The following PTPRM variants were observed in gnomAD, a reference collection of about 807,000 sequenced individuals.
PTPRM encodes the protein protein tyrosine phosphatase receptor type M.
In PTPRM, 47 loss-of-function variants were observed where a neutral mutation model predicts 186.7. The ratio of observed to expected loss-of-function variants is 0.25; its 90% CI spans 0.20 to 0.32. The LOEUF (loss-of-function observed/expected upper bound fraction) is 0.32, where lower values mean the gene tolerates loss of function less well. PTPRM is among the 10% of genes least tolerant of loss of function. The pLI is 1.00. For synonymous variants in PTPRM, 668 were observed against 674.9 expected (o/e 0.99, Z 0.16); for missense variants, 1,494 against 1,865.0 (o/e 0.80, Z 3.66).
intron 14 of PTPRM, among the ~76,000 whole-genome samples, chr18:8,157,756 C>T (rs1051812017): frequency 6.6e-6 from 1 of 152,196 alleles, no homozygotes; most frequent in Non-Finnish European, 1.5e-5. Flanking sequence ...GCTTGGGGAA[C>T]GTCCTCTAAA....
chr18:7,585,882 C>T (rs2036966274), intron 1 of PTPRM, among the ~76,000 whole-genome samples: 1 of 152,138 alleles, frequency 6.6e-6, no homozygotes. Flanking sequence ...TGGGTGGTGC[C>T]TTATCTACTT....
At chr18:8,048,911 C>T (rs1278886439) in intron 7 of PTPRM, among the ~76,000 whole-genome samples, 2 of 152,172 alleles carry the variant, frequency 1.3e-5, no homozygotes, top group Non-Finnish European at 2.9e-5. Context: ...TTTGGGTTCT[C>T]TTTTGCCCTG....
chr18:7,745,893 C>T lies in PTPRM; in HGVS notation c.74-28256C>T, dbSNP rs148123241. Among the ~76,000 whole-genome samples the T allele has an allele frequency of 4.7e-3, 716 of 151,868 alleles. 5 individuals carry two copies. Among genetic ancestry groups the T allele is most frequent in the African/African-American group, 0.016 (675 of 41,404 alleles). On this transcript the variant is annotated intron_variant, in intron 1 of 32. Transcript: ENST00000580170. ...GCTAAAATTTTAAAATGATTTAAAC[C>T]GAGGATTAGGCACATATGAAAAGTA... is the stretch of plus-strand genomic sequence containing the variant.
Position 7,696,717 on chromosome 18 carries a change from G to A in PTPRM, c.74-77432G>A, listed in dbSNP as rs549753119. Among the ~76,000 whole-genome samples, 6 of 152,274 alleles carry A rather than the reference G, an allele frequency of 3.9e-5. No individual in the cohort carries two copies. In the East Asian group the frequency reaches 1.2e-3, roughly 29 times the overall value. On this transcript the variant is annotated intron_variant, in intron 1 of 32. Transcript: ENST00000580170. ...ACACTGAACCACTCATGTCTTCCAC[G>A]GTGTCCCGTCTGTTCTTGCATGTTC... is the stretch of plus-strand genomic sequence containing the variant.
Position 8,152,899 on chromosome 18 carries a change from G to T in PTPRM, c.2300+9120G>T, listed in dbSNP as rs547300247. Among the ~76,000 whole-genome samples, 561 of 151,792 alleles carry T rather than the reference G, an allele frequency of 3.7e-3. 4 individuals carry two copies. Among genetic ancestry groups the T allele is most frequent in the African/African-American group, 0.013 (519 of 41,424 alleles). The stretch of plus-strand genomic sequence containing the variant: ...AGCCCAGCTAATTTTTGTATTTTTA[G>T]TAGAGACAGGGTTTCACCATGTTAG... On this transcript the variant is annotated intron_variant, in intron 14 of 32. Transcript: ENST00000580170.
chr18:7,834,022 G>A (rs1161239133), intron 2 of PTPRM, among the ~76,000 whole-genome samples: 3 of 152,080 alleles, frequency 2.0e-5, no homozygotes, highest in Non-Finnish European at 4.4e-5. Flanking sequence ...GAAAGAGGGA[G>A]TTCTTGTCAT....
intron 1 of PTPRM, among the ~76,000 whole-genome samples, chr18:7,591,516 C>G (rs1031407646): frequency 6.6e-6 from 1 of 152,180 alleles, no homozygotes; most frequent in Non-Finnish European, 1.5e-5. Context: ...TTCTAAAGCA[C>G]ATACAACAGC....
At chr18:7,770,212 T>C (rs771065254) in intron 1 of PTPRM, among the ~76,000 whole-genome samples, 1 of 152,174 alleles carries the variant, frequency 6.6e-6, no homozygotes, top group African/African-American at 2.4e-5. Flanking sequence ...TGCGTCCTTT[T>C]ACTGTGTTTC....
At chr18:8,212,432 T>TCC (rs11395297) in intron 14 of PTPRM, among the ~76,000 whole-genome samples, 1 of 151,998 alleles carries the variant, frequency 6.6e-6, no homozygotes, top group Non-Finnish European at 1.5e-5. Flanking sequence ...CCTTTGTCAC[T>TCC]CCCAGTGTGT....
chr18:7,793,250 C>T (rs998526166), intron 2 of PTPRM, among the ~76,000 whole-genome samples: 10 of 152,204 alleles, frequency 6.6e-5, no homozygotes, highest in African/African-American at 2.4e-4. Flanking sequence ...TTCACCTCCT[C>T]ACTACGTGAC....
At chr18:8,322,495 A>C (rs2095351878) in intron 22 of PTPRM, among the ~76,000 whole-genome samples, 2 of 152,212 alleles carry the variant, frequency 1.3e-5, no homozygotes, top group Non-Finnish European at 2.9e-5. Flanking sequence ...CTGACCAGAC[A>C]TTAGTGCAAC....
chr18:8,152,006 A>G (rs538496617), intron 14 of PTPRM, among the ~76,000 whole-genome samples: 13 of 152,182 alleles, frequency 8.5e-5, no homozygotes, highest in South Asian at 6.2e-4. Context: ...ACCAGTCCCA[A>G]TTTGATGAAC....
At chr18:7,745,451 G>A (rs2040966629) in intron 1 of PTPRM, among the ~76,000 whole-genome samples, 1 of 152,200 alleles carries the variant, frequency 6.6e-6, no homozygotes, top group Non-Finnish European at 1.5e-5. Flanking sequence ...GCTCTCAGAA[G>A]ACTCACAGGC....
chr18:7,997,580 T>C (rs528030572), intron 7 of PTPRM, among the ~76,000 whole-genome samples: 17 of 152,220 alleles, frequency 1.1e-4, no homozygotes, highest in African/African-American at 4.1e-4. Context: ...ATCAAGAAAG[T>C]GAAGAGACAA....
rs2039721275 is a variant in PTPRM at position 7,691,060 on chromosome 18, A to G, written c.74-83089A>G. Among the ~76,000 whole-genome samples the G allele has an allele frequency of 4.6e-5, 7 of 152,338 alleles. No homozygotes were observed. In the South Asian group the frequency reaches 1.4e-3, roughly 32 times the overall value. ...GAGGTGAGGGTATTTCTGAGATGCCACATCTCGACTAAGTAATTTTTAAAA... is the reference window on the plus strand; with the variant it reads ...GAGGTGAGGGTATTTCTGAGATGCCGCATCTCGACTAAGTAATTTTTAAAA... On this transcript the variant is annotated intron_variant, in intron 1 of 32. Transcript: ENST00000580170.
Position 7,948,799 on chromosome 18 carries a change from G to A in PTPRM, c.664-382G>A, listed in dbSNP as rs1274494460. Among the ~76,000 whole-genome samples, 4 of 152,270 alleles carry A rather than the reference G, an allele frequency of 2.6e-5. No homozygotes were observed. The South Asian group carries it at 6.2e-4, about 24-fold the overall frequency. ...AATGAGGTCAGTAATAGGATAGTGG[G>A]TGAGCTACTTTTATTTCCTAGTCAA... On this transcript the variant is annotated intron_variant, in intron 5 of 32. Coordinates refer to ENST00000580170, the MANE Select transcript of PTPRM (RefSeq NM_001105244.2).
intron 1 of PTPRM, among the ~76,000 whole-genome samples, chr18:7,721,662 C>T (rs972826964): frequency 1.1e-4 from 17 of 152,038 alleles, no homozygotes; most frequent in East Asian, 3.9e-4. Flanking sequence ...TATTTTTGCA[C>T]GTGGATATCC....
intron 1 of PTPRM, among the ~76,000 whole-genome samples, chr18:7,612,150 T>G (rs1490585447): frequency 2.6e-5 from 4 of 152,112 alleles, no homozygotes; most frequent in Non-Finnish European, 5.9e-5. Flanking sequence ...GAAAGTAAAG[T>G]GAACTAATTT....
chr18:8,318,005 A>G (rs2095321498), intron 21 of PTPRM, among the ~76,000 whole-genome samples: 1 of 152,224 alleles, frequency 6.6e-6, no homozygotes. Flanking sequence ...AGTCAATTGT[A>G]TAAAAGAATG....
Sources: gnomAD v4.1 joint callset for allele counts (sites outside exome capture counted in the v4.1 genomes callset) on GRCh38, gnomAD v4.1.1 for gene constraint, MANE v1.5 for transcripts, NCBI Gene and HGNC (gene_info 2026-07-23, HGNC 2026-07-21) for gene names.